The following CSMD1 variants were observed in gnomAD, a reference collection of about 807,000 sequenced individuals.
The protein encoded by CSMD1 is CUB and sushi domain-containing protein 1.
A neutral mutation model predicts 417.5 loss-of-function variants in CSMD1; 213 were observed. That is an observed-to-expected ratio of 0.51 (90% CI 0.46 to 0.57). CSMD1 has a LOEUF of 0.57. Ranked by LOEUF, CSMD1 falls within the 20% of genes least tolerant of loss-of-function variation. The pLI is 0.00. For synonymous variants in CSMD1, 2,862 were observed against 1,736.8 expected, an observed-to-expected ratio of 1.65 and a Z score of -16.11; for missense variants, 6,923 against 4,529.7, an observed-to-expected ratio of 1.53 and a Z score of -15.17.
intron 3 of CSMD1, among the ~76,000 whole-genome samples, chr8:4,064,588 C>G (rs1329129231): frequency 6.6e-6 from 1 of 152,234 alleles, no homozygotes; most frequent in Non-Finnish European, 1.5e-5. Context: ...TGTCATACAA[C>G]TGCCGTTTCC....
intron 3 of CSMD1, among the ~76,000 whole-genome samples, chr8:4,203,691 C>CACACACACAAACAT (rs1362967467): frequency 6.6e-6 from 1 of 152,020 alleles, no homozygotes; most frequent in Non-Finnish European, 1.5e-5. Flanking sequence ...GTAGGGATCA[C>CACACACACAAACAT]ACACACACAA....
intron 2 of CSMD1, among the ~76,000 whole-genome samples, chr8:4,464,084 TTC>T (rs1428958312): frequency 6.6e-6 from 1 of 152,164 alleles, no homozygotes; most frequent in Non-Finnish European, 1.5e-5. Context: ...AGAAACAGGT[TTC>T]TCAGTTTTCT....
intron 25 of CSMD1, among the ~76,000 whole-genome samples, chr8:3,302,977 C>G (rs1420135601): frequency 2.0e-5 from 3 of 152,074 alleles, no homozygotes; most frequent in Admixed American, 6.5e-5. Flanking sequence ...TCCCAGAGCC[C>G]CAGGTTAAAG....
intron 3 of CSMD1, among the ~76,000 whole-genome samples, chr8:4,121,396 T>A (rs1000016180): frequency 1.3e-5 from 2 of 152,190 alleles, no homozygotes; most frequent in Non-Finnish European, 2.9e-5. Flanking sequence ...ATTACAGGCA[T>A]GAGTGTCAAT....
chr8:3,390,147 G>C (rs1410517053), intron 17 of CSMD1, among the ~76,000 whole-genome samples: 2 of 151,982 alleles, frequency 1.3e-5, no homozygotes, highest in African/African-American at 2.4e-5. Context: ...CTGATGTCAG[G>C]AGTTTGAGAC....
In CSMD1 at chr8:2,950,299, G is replaced by C. The variant is rs1802540298; in HGVS notation, c.10246C>G (p.Gln3416Glu). Residue 3416 changes from glutamine (Q) to glutamate (E), a missense_variant, in exon 67 of 70, where the codon CAA becomes GAA. Physicochemically the swap from Gln to Glu is conservative, Grantham distance 29 (BLOSUM62 2). Coordinates refer to ENST00000635120, the MANE Select transcript of CSMD1 (RefSeq NM_033225.6). Reference protein sequence around the residue: ...EEAHLLLKAFQIKGQADIFVS... With the variant: ...EEAHLLLKAFEIKGQADIFVS... ...AAAATATCTGCCTGGCCTTTAATTT[G>C]AAAAGCTTTCAGGAGTAAGTGGGCC... The C allele has an allele frequency of 1.2e-6, 2 of 1,613,346 alleles. No individual in the cohort carries two copies. The highest frequency in any genetic ancestry group is 1.7e-6 in the Non-Finnish European group (2 of 1,179,468).
intron 2 of CSMD1, among the ~76,000 whole-genome samples, chr8:4,574,628 T>C (rs893589940): frequency 1.3e-5 from 2 of 152,198 alleles, no homozygotes; most frequent in African/African-American, 4.8e-5. Flanking sequence ...CATGAATACA[T>C]TAATGGGAGA....
At chr8:3,039,573 A>T (rs1278590448) in intron 50 of CSMD1, among the ~76,000 whole-genome samples, 3 of 147,776 alleles carry the variant, frequency 2.0e-5, no homozygotes, top group African/African-American at 7.5e-5. Flanking sequence ...TTTCTTCCTC[A>T]TACATTATGA....
chr8:3,078,036 T>A (rs1200397151), intron 49 of CSMD1, among the ~76,000 whole-genome samples: 1 of 152,252 alleles, frequency 6.6e-6, no homozygotes, highest in Non-Finnish European at 1.5e-5. Flanking sequence ...ATATTTTGAG[T>A]ATTCCATGTC....
chr8:4,310,523 A>G (rs892100469), intron 3 of CSMD1, among the ~76,000 whole-genome samples: 2 of 89,512 alleles, frequency 2.2e-5, no homozygotes, highest in African/African-American at 6.1e-5. Context: ...ACATTAAATA[A>G]AATATCTTTG....
intron 6 of CSMD1, among the ~76,000 whole-genome samples, chr8:3,716,597 C>T (rs1023667468): frequency 2.6e-5 from 4 of 152,150 alleles, no homozygotes; most frequent in African/African-American, 9.7e-5. Context: ...TTCTTTACTG[C>T]AACCTATTTC....
rs982058268 is a variant in CSMD1, at chr8:4,460,452, T to G, written c.303-40387A>C. On this transcript the variant is annotated intron_variant, in intron 2 of 69. Transcript: ENST00000635120. The stretch of plus-strand genomic sequence containing the variant: ...GAAAAAGTACAAGCTAAACTTACGG[T>G]AAGCAGAATAACAAATATTCTAGTG... Among the ~76,000 whole-genome samples, 4 of 152,116 alleles carry G rather than the reference T, an allele frequency of 2.6e-5. No homozygotes were observed. In the East Asian group the frequency reaches 5.8e-4, roughly 22 times the overall value.
intron 1 of CSMD1, among the ~76,000 whole-genome samples, chr8:4,993,378 TTC>T (rs67915854): frequency 5.7e-4 from 57 of 100,110 alleles, no homozygotes; most frequent in African/African-American, 1.5e-3. Flanking sequence ...CCAATCAGTA[TTC>T]TCTCTCTCTC....
chr8:3,074,123 C>A (rs60811798), intron 49 of CSMD1, among the ~76,000 whole-genome samples: 1 of 152,158 alleles, frequency 6.6e-6, no homozygotes, highest in Non-Finnish European at 1.5e-5. Flanking sequence ...CTTGCATTTG[C>A]GCAGCTGAAT....
At chr8:4,439,192 A>T (rs1798320798) in intron 2 of CSMD1, among the ~76,000 whole-genome samples, 1 of 152,318 alleles carries the variant, frequency 6.6e-6, no homozygotes, top group Non-Finnish European at 1.5e-5. Context: ...CCATTTTATT[A>T]AACACATTGC....
chr8:4,387,121 G>C (rs539643359), intron 3 of CSMD1, among the ~76,000 whole-genome samples: 1 of 152,162 alleles, frequency 6.6e-6, no homozygotes, highest in African/African-American at 2.4e-5. Flanking sequence ...GAAAGTTTCT[G>C]TAAAACGGAA....
intron 28 of CSMD1, among the ~76,000 whole-genome samples, chr8:3,220,441 T>G (rs1294844546): frequency 6.6e-6 from 1 of 152,192 alleles, no homozygotes; most frequent in Non-Finnish European, 1.5e-5. Flanking sequence ...GTCTCTGAGC[T>G]TTAAAACTAC....
rs1224700662 is a variant in CSMD1 at position 3,411,917 on chromosome 8, TGCAC to T, written c.1562-2316_1562-2313del. ...ATGCACGTATATATACACGTATATA[TGCAC>T]GTATATATACACGTATATATGCACG... On this transcript the variant is annotated intron_variant, in intron 12 of 69. Transcript: ENST00000635120. Among the ~76,000 whole-genome samples the T allele has an allele frequency of 5.2e-4, 53 of 100,994 alleles. 7 individuals are homozygous for T. Among genetic ancestry groups the T allele is most frequent in the African/African-American group, 8.3e-4 (24 of 28,998 alleles). The allele number at this position is 100,994 out of a possible 152,430, so 66.3% of individuals were successfully genotyped here. A position where few individuals can be genotyped will look rare whatever the true frequency, so the allele number is the denominator to read the frequency against.
At chr8:4,563,177 G>C (rs185591154) in intron 2 of CSMD1, among the ~76,000 whole-genome samples, 2 of 152,060 alleles carry the variant, frequency 1.3e-5, no homozygotes, top group African/African-American at 4.8e-5. Context: ...CGAGGCAGGC[G>C]GATCACGAGG....
Sources: allele counts gnomAD v4.1 joint callset (sites outside exome capture counted in the v4.1 genomes callset), GRCh38; gene constraint gnomAD v4.1.1; transcripts MANE v1.5; gene names NCBI Gene and HGNC (gene_info 2026-07-23, HGNC 2026-07-21).